The following CHD5 variants were observed in gnomAD, a reference collection of about 807,000 sequenced individuals.
The protein encoded by CHD5 is ATP-dependent chromatin remodeler CHD5.
In CHD5, 69 loss-of-function variants were observed where a neutral mutation model predicts 230.3. The ratio of observed to expected loss-of-function variants is 0.30; its 90% CI spans 0.25 to 0.37. CHD5 has a LOEUF of 0.37. Ranked by LOEUF, CHD5 falls within the 10% of genes least tolerant of loss-of-function variation. The pLI is 1.00. For missense variants in CHD5, 1,827 were observed against 2,622.8 expected (o/e 0.70, Z 6.63); for synonymous variants, 1,064 against 1,065.9 (o/e 1.00, Z 0.03).
At position 6,107,292 on chromosome 1, in the gene CHD5, G is replaced by A. The variant is rs1349177570; in HGVS notation, c.5579-513C>T. Among the ~76,000 whole-genome samples, 8 of 143,736 alleles carry A rather than the reference G, an allele frequency of 5.6e-5. No homozygotes were observed. In the East Asian group the frequency reaches 9.0e-4, roughly 16 times the overall value. The allele number at this position is 143,736 out of a possible 152,430, so 94.3% of individuals were successfully genotyped here. On this transcript the variant is annotated intron_variant, in intron 38 of 41. Transcript: ENST00000262450. ...GATGGAGGGATGATGGTGGGATGGC[G>A]GAGTGGAGAGATGGAGGGATGATGA...
rs766502941 is a variant in CHD5 at position 6,135,197 on chromosome 1, C to G, written c.2870+33G>C. 15 of 1,612,952 alleles carry G rather than the reference C, an allele frequency of 9.3e-6. No homozygotes were observed. In the African/African-American group the frequency reaches 1.9e-4, roughly 20 times the overall value. Reference sequence around the variant, plus strand: ...AGACCAGCCCAGGGGAAAGGGCGAGCACAGGCTGCTCCGGGGTCAGCCCAT... The same window carrying G: ...AGACCAGCCCAGGGGAAAGGGCGAGGACAGGCTGCTCCGGGGTCAGCCCAT... On this transcript the variant is annotated intron_variant, in intron 18 of 41. Transcript: ENST00000262450.
chr1:6,143,849 TCTC>T lies in CHD5; in HGVS notation c.2014_2016del (p.Glu672del). On this transcript the variant is annotated inframe_deletion, in exon 13 of 42. Transcript: ENST00000262450. ...TCCACAATGGGCGTGTCCGGCGGCTTCTCCTGCTTGTCGTCCCTCAGCTTCTTG... is the reference window on the plus strand; with the variant it reads ...TCCACAATGGGCGTGTCCGGCGGCTTCTGCTTGTCGTCCCTCAGCTTCTTG... The T allele has an allele frequency of 1.2e-6, 2 of 1,612,864 alleles. No homozygotes were observed. Among genetic ancestry groups the T allele is most frequent in the Non-Finnish European group, 1.7e-6 (2 of 1,180,016 alleles).
intron 2 of CHD5, among the ~76,000 whole-genome samples, chr1:6,164,970 G>A (rs1667230043): frequency 6.6e-6 from 1 of 152,200 alleles, no homozygotes; most frequent in Admixed American, 6.5e-5. Context: ...TGGACACCAA[G>A]CACAGGCCAG....
intron 33 of CHD5, among the ~76,000 whole-genome samples, chr1:6,120,903 C>CAA (rs150515182): frequency 3.5e-5 from 5 of 141,760 alleles, no homozygotes; most frequent in East Asian, 4.0e-4. Context: ...ACCCTTTCTC[C>CAA]AAAAAAAAAA....
At position 6,128,278 on chromosome 1, in the gene CHD5, C is replaced by G; in HGVS notation, c.3731-60G>C. 6.5e-7 allele frequency: 1 copy of G among 1,544,120 alleles called. No individual in the cohort carries two copies. The highest frequency in any genetic ancestry group is 8.9e-7 in the Non-Finnish European group (1 of 1,128,382). On this transcript the variant is annotated intron_variant, in intron 24 of 41. Coordinates refer to ENST00000262450, the MANE Select transcript of CHD5 (RefSeq NM_015557.3). This position sits in a 1 kb window ranked among gnomAD's most constrained non-coding sequence, Gnocchi z 7.8. Reference sequence around the variant, plus strand: ...ACTGCCCTGGTCCAGCCCCGGGGTCCCAGGAACAGACTCCCAACAATGGCC... The same window carrying G: ...ACTGCCCTGGTCCAGCCCCGGGGTCGCAGGAACAGACTCCCAACAATGGCC...
intron 1 of CHD5, among the ~76,000 whole-genome samples, chr1:6,176,724 CATA>C (rs1667431086): frequency 6.6e-6 from 1 of 152,342 alleles, no homozygotes; most frequent in South Asian, 2.1e-4. Context: ...CACTGTTCCT[CATA>C]ATAACCCTCT....
At chr1:6,135,658 G>C (rs567167516) in intron 17 of CHD5, among the ~76,000 whole-genome samples, 1 of 152,300 alleles carries the variant, frequency 6.6e-6, no homozygotes, top group East Asian at 1.9e-4. Flanking sequence ...CCAGATAACA[G>C]ATGAGGAAAC....
chr1:6,138,321 G>C (rs201668149), intron 15 of CHD5, among the ~76,000 whole-genome samples: 1 of 149,864 alleles, frequency 6.7e-6, no homozygotes, highest in Admixed American at 6.6e-5. Flanking sequence ...AGGTTGCAGT[G>C]AGCCGAGATC....
Position 6,124,801 on chromosome 1 carries a change from G to A in CHD5, c.4395-140C>T, listed in dbSNP as rs747895225. The A allele has an allele frequency of 6.3e-5, 43 of 686,832 alleles. No homozygotes were observed. The East Asian group carries it at 7.1e-4, about 11-fold the overall frequency. The allele number at this position is 686,832 out of a possible 1,614,324, so 42.5% of individuals were successfully genotyped here. On this transcript the variant is annotated intron_variant, in intron 29 of 41. Transcript: ENST00000262450. ...TCCTAGTCAGGCCTGGGCCAGGCCC[G>A]GGAAAGGACAGAGAGGGCCTCCCTG...
chr1:6,124,704 C>T (rs1256269046), intron 29 of CHD5, 43 bp from the exon 30 acceptor site: 16 of 1,217,546 alleles, frequency 1.3e-5, no homozygotes, highest in African/African-American at 1.1e-4. Flanking sequence ...AGTGGGGGGC[C>T]GGCAAGAACC....
chr1:6,152,339 G>T (rs1571162685), intron 6 of CHD5, 73 bp downstream of exon 6: 1 of 1,536,218 alleles, frequency 6.5e-7, no homozygotes, highest in East Asian at 2.4e-5. Context: ...GCCCTCGCCT[G>T]GCCCTTGCGT....
intron 33 of CHD5, chr1:6,113,199 G>A: frequency 1.8e-6 from 1 of 563,000 alleles, no homozygotes; most frequent in East Asian, 3.1e-5. Flanking sequence ...CGAGGCAGGA[G>A]GATCACTTCA....
intron 9 of CHD5, 61 bp downstream of exon 9, chr1:6,148,793 G>T: frequency 7.2e-7 from 1 of 1,383,202 alleles, no homozygotes; most frequent in East Asian, 2.8e-5. Flanking sequence ...CTTCCCCTGG[G>T]GGCGGGGCCT....
At position 6,134,671 on chromosome 1, in the gene CHD5, A is replaced by G. The variant is rs569496835; in HGVS notation, c.3012+47T>C. 94 of 1,589,364 alleles carry G rather than the reference A, an allele frequency of 5.9e-5. No homozygotes were observed. In the East Asian group the frequency reaches 1.9e-3, roughly 32 times the overall value. On this transcript the variant is annotated intron_variant, in intron 19 of 41. Transcript: ENST00000262450. This position sits in a 1 kb window ranked among gnomAD's most constrained non-coding sequence, Gnocchi z 6.3. ...CCTACCATGGCGGCCACAGGCACCT[A>G]CCATGGCGGTCATGGAGAAGCTGCC...
Position 6,125,480 on chromosome 1 carries a change from A to G in CHD5, c.4260+44T>C, listed in dbSNP as rs959667743. 21 of 1,536,744 alleles carry G rather than the reference A, an allele frequency of 1.4e-5. No individual in the cohort carries two copies. Among genetic ancestry groups the G allele is most frequent in the Middle Eastern group, 1.7e-4 (1 of 5,972 alleles). Reference sequence around the variant, plus strand: ...CCCTCCTCCATACCCCAGGGGCAGCAGGAAGCAGGGGCAGAAAGAGATGCG... The same window carrying G: ...CCCTCCTCCATACCCCAGGGGCAGCGGGAAGCAGGGGCAGAAAGAGATGCG... On this transcript the variant is annotated intron_variant, in intron 28 of 41. Transcript: ENST00000262450. The surrounding 1 kb of genome is among the most constrained non-coding windows in gnomAD (Gnocchi z 6.7).
At chr1:6,176,680 G>C (rs1009715427) in intron 1 of CHD5, among the ~76,000 whole-genome samples, 1 of 152,170 alleles carries the variant, frequency 6.6e-6, no homozygotes, top group South Asian at 2.1e-4. Context: ...TCATGTGCTG[G>C]GCACTGTGGC....
chr1:6,157,924 G>T (rs1368754666), intron 3 of CHD5, among the ~76,000 whole-genome samples: 1 of 152,174 alleles, frequency 6.6e-6, no homozygotes, highest in Non-Finnish European at 1.5e-5. Context: ...TCAGGACACC[G>T]CCAGGAAGAA....
At chr1:6,115,547 C>T (rs992187246) in intron 33 of CHD5, among the ~76,000 whole-genome samples, 1 of 152,204 alleles carries the variant, frequency 6.6e-6, no homozygotes, top group African/African-American at 2.4e-5. Flanking sequence ...GGTTTCTGTT[C>T]ACCACTGCTG....
At chr1:6,119,790 C>T (rs989934827) in intron 33 of CHD5, among the ~76,000 whole-genome samples, 2 of 145,564 alleles carry the variant, frequency 1.4e-5, no homozygotes, top group East Asian at 4.1e-4. Context: ...TGCGTATATA[C>T]GTACGTATGT....
Sources: gnomAD v4.1 joint callset for allele counts (sites outside exome capture counted in the v4.1 genomes callset) on GRCh38, gnomAD v4.1.1 for gene constraint, Gnocchi (gnomAD v3.1) non-coding constraint, MANE v1.5 for transcripts, NCBI Gene and HGNC (gene_info 2026-07-23, HGNC 2026-07-21) for gene names.